BTBD9: variants seen among roughly 807,000 people sequenced by gnomAD.
BTBD9 encodes the protein BTB domain containing 9.
In BTBD9, 49 loss-of-function variants were observed where a neutral mutation model predicts 64.3. The ratio of observed to expected loss-of-function variants is 0.76; its 90% CI spans 0.61 to 0.97. The LOEUF (loss-of-function observed/expected upper bound fraction) is 0.97. Among genes scored for constraint, BTBD9 ranks in the 50% least tolerant of loss-of-function variants. BTBD9 has a pLI of 0.00. For missense variants in BTBD9, 598 were observed against 762.1 expected (o/e 0.78, Z 2.53); for synonymous variants, 260 against 274.7 (o/e 0.95, Z 0.53).
At chr6:38,631,447 G>A (rs527809905) in intron 1 of BTBD9, among the ~76,000 whole-genome samples, 2 of 152,294 alleles carry the variant, frequency 1.3e-5, no homozygotes, top group East Asian at 1.9e-4. Context: ...TTAGTGCCAC[G>A]TTATAACAAA....
At chr6:38,520,001 A>G (rs889169142) in intron 6 of BTBD9, among the ~76,000 whole-genome samples, 1 of 152,208 alleles carries the variant, frequency 6.6e-6, no homozygotes, top group African/African-American at 2.4e-5. Flanking sequence ...AATAGTGACA[A>G]TTTTATGGTG....
intron 6 of BTBD9, among the ~76,000 whole-genome samples, chr6:38,369,527 A>G (rs1765332470): frequency 6.6e-6 from 1 of 152,184 alleles, no homozygotes; most frequent in Admixed American, 6.5e-5. Flanking sequence ...CCTCTGCCTA[A>G]AACAACTTCA....
At chr6:38,351,047 A>T (rs1198138270) in intron 6 of BTBD9, among the ~76,000 whole-genome samples, 3 of 152,236 alleles carry the variant, frequency 2.0e-5, no homozygotes, top group Non-Finnish European at 4.4e-5. Flanking sequence ...CTTGTTGCTA[A>T]GGCAGCAAGT....
intron 9 of BTBD9, chr6:38,207,272 G>T: frequency 4.2e-6 from 1 of 235,932 alleles, no homozygotes; most frequent in Non-Finnish European, 9.0e-6. Flanking sequence ...AAAAGAAAAT[G>T]GGGTCAATGA....
intron 1 of BTBD9, among the ~76,000 whole-genome samples, chr6:38,623,718 G>T (rs569616706): frequency 1.1e-4 from 16 of 152,152 alleles, no homozygotes; most frequent in Non-Finnish European, 1.8e-4. Context: ...CCCTTTCTAG[G>T]TCCCATGACA....
chr6:38,473,441 C>G (rs1042545241), intron 6 of BTBD9, among the ~76,000 whole-genome samples: 1 of 152,172 alleles, frequency 6.6e-6, no homozygotes, highest in Non-Finnish European at 1.5e-5. Flanking sequence ...GGATTCATTT[C>G]TTTCCCAATC....
intron 7 of BTBD9, among the ~76,000 whole-genome samples, chr6:38,324,679 G>C (rs1296924148): frequency 6.6e-6 from 1 of 152,184 alleles, no homozygotes; most frequent in East Asian, 1.9e-4. Context: ...GGGTACGTGG[G>C]AGGAAAAGGG....
intron 6 of BTBD9, among the ~76,000 whole-genome samples, chr6:38,358,810 G>A (rs980847313): frequency 6.6e-6 from 1 of 151,436 alleles, no homozygotes; most frequent in Non-Finnish European, 1.5e-5. Context: ...TGTCGCCCAG[G>A]CCGGACTGCG....
intron 6 of BTBD9, among the ~76,000 whole-genome samples, chr6:38,550,477 C>T (rs1450284956): frequency 7.2e-5 from 11 of 152,102 alleles, no homozygotes; most frequent in African/African-American, 1.4e-4. Context: ...CCACCACACC[C>T]GGCTAATTTT....
intron 7 of BTBD9, among the ~76,000 whole-genome samples, chr6:38,337,650 A>C: frequency 6.6e-6 from 1 of 152,136 alleles, no homozygotes; most frequent in East Asian, 1.9e-4. Flanking sequence ...ACTTATTTCC[A>C]TACCTTGCCA....
At chr6:38,293,636 C>T (rs1380577968) in intron 7 of BTBD9, among the ~76,000 whole-genome samples, 1 of 152,112 alleles carries the variant, frequency 6.6e-6, no homozygotes, top group Non-Finnish European at 1.5e-5. Context: ...TGAAACTGAA[C>T]CCCTTCCTTA....
chr6:38,475,510 A>G (rs745777118), intron 6 of BTBD9, among the ~76,000 whole-genome samples: 1 of 152,132 alleles, frequency 6.6e-6, no homozygotes, highest in Non-Finnish European at 1.5e-5. Flanking sequence ...AACATTTACT[A>G]CGCAAAGCAC....
intron 1 of BTBD9, among the ~76,000 whole-genome samples, chr6:38,633,801 A>T (rs543157512): frequency 9.8e-4 from 150 of 152,292 alleles, no homozygotes; most frequent in African/African-American, 3.2e-3. Flanking sequence ...CTAAAAAAAA[A>T]ATATACATCT....
chr6:38,294,489 C>A (rs545211073), intron 7 of BTBD9, among the ~76,000 whole-genome samples: 47 of 152,284 alleles, frequency 3.1e-4, no homozygotes, highest in African/African-American at 1.1e-3. Flanking sequence ...AGGATGAGTT[C>A]ATGTCCTTTG....
intron 7 of BTBD9, among the ~76,000 whole-genome samples, chr6:38,328,573 G>GTGTGTGTGTC (rs1446489342): frequency 1.5e-5 from 2 of 135,384 alleles, no homozygotes; most frequent in Non-Finnish European, 3.1e-5. Flanking sequence ...CCGTGTGTGT[G>GTGTGTGTGTC]TGTGTGTGTG....
intron 10 of BTBD9, chr6:38,179,419 C>G: frequency 2.2e-6 from 1 of 456,676 alleles, no homozygotes; most frequent in Non-Finnish European, 4.4e-6. Flanking sequence ...CTGGAAGGGA[C>G]GGGGGCGGGC....
chr6:38,250,154 G>A (rs1039093929), intron 9 of BTBD9, among the ~76,000 whole-genome samples: 4 of 152,160 alleles, frequency 2.6e-5, no homozygotes, highest in Admixed American at 6.5e-5. Flanking sequence ...TAAGAAAAGG[G>A]AAAGGGGTTT....
chr6:38,419,698 C>G (rs1361007025), intron 6 of BTBD9, among the ~76,000 whole-genome samples: 1 of 152,040 alleles, frequency 6.6e-6, no homozygotes, highest in Admixed American at 6.6e-5. Context: ...TGGAGAAACC[C>G]CATCTCTACT....
intron 7 of BTBD9, among the ~76,000 whole-genome samples, chr6:38,297,748 A>G (rs926187566): frequency 1.3e-5 from 2 of 151,452 alleles, no homozygotes; most frequent in African/African-American, 4.9e-5. Flanking sequence ...ATTAATTGTT[A>G]TTACTAATTT....
Sources: allele counts gnomAD v4.1 joint callset (sites outside exome capture counted in the v4.1 genomes callset), GRCh38; gene constraint gnomAD v4.1.1; transcripts MANE v1.5; gene names NCBI Gene and HGNC (gene_info 2026-07-23, HGNC 2026-07-21).